Variants in PRRC2C observed in about 807,000 individuals in gnomAD.
The protein encoded by PRRC2C is proline rich coiled-coil 2C, also known as protein PRRC2C.
A neutral mutation model predicts 317.2 loss-of-function variants in PRRC2C; 72 were observed. The ratio of observed to expected loss-of-function variants is 0.23; its 90% CI spans 0.19 to 0.28. PRRC2C has a LOEUF of 0.28. PRRC2C is among the 10% of genes least tolerant of loss of function. PRRC2C has a pLI of 1.00. For synonymous variants in PRRC2C, 1,296 were observed against 1,205.9 expected (o/e 1.07, Z -1.55); for missense variants, 3,074 against 3,459.7 (o/e 0.89, Z 2.80).
Position 171,572,615 on chromosome 1 carries a change from T to C in PRRC2C, c.6753+1194T>C, listed in dbSNP as rs1684973156. 2.0e-5 allele frequency among the ~76,000 whole-genome samples: 3 copies of C among 152,232 alleles called. No homozygotes were observed. The South Asian group carries it at 6.2e-4, about 32-fold the overall frequency. The stretch of plus-strand genomic sequence containing the variant: ...TGCCATCCCTGTCTTTGCCTAGTCT[T>C]TACTGCCAATTCCTGTTCAGCCTTT... On this transcript the variant is annotated intron_variant, in intron 24 of 34. Coordinates refer to ENST00000647382, the MANE Select transcript of PRRC2C (RefSeq NM_001387844.1).
chr1:171,566,056 C>G (rs1683589381), intron 20 of PRRC2C, among the ~76,000 whole-genome samples, 177 bp from the exon 21 acceptor site: 1 of 152,096 alleles, frequency 6.6e-6, no homozygotes, highest in South Asian at 2.1e-4. Context: ...CAGTTGTTTT[C>G]TAGTACAGAC....
intron 18 of PRRC2C, among the ~76,000 whole-genome samples, chr1:171,550,964 A>G (rs1056006444): frequency 5.3e-5 from 8 of 152,134 alleles, no homozygotes; most frequent in Non-Finnish European, 1.2e-4. Flanking sequence ...ATGATTTATA[A>G]TCCTTTGGGT....
chr1:171,546,345 C>T lies in PRRC2C; in HGVS notation c.4972+658C>T, dbSNP rs556798124. On this transcript the variant is annotated intron_variant, in intron 17 of 34. Transcript: ENST00000647382. ...ATACTGAATAAAATTGAGAGATTTA[C>T]TAAGTTAAGACCAGATAGCTCAATA... Among the ~76,000 whole-genome samples, 370 of 152,240 alleles carry T rather than the reference C, an allele frequency of 2.4e-3. 1 individual carries two copies. The highest frequency in any genetic ancestry group is 8.6e-3 in the African/African-American group (358 of 41,550).
At chr1:171,567,034 T>G (rs1040550951) in intron 22 of PRRC2C, among the ~76,000 whole-genome samples, 191 bp downstream of exon 22, 1 of 152,228 alleles carries the variant, frequency 6.6e-6, no homozygotes, top group Non-Finnish European at 1.5e-5. Context: ...AAATTATATT[T>G]CTTTTTGAGG....
In PRRC2C at chr1:171,587,185, T is replaced by C. The variant is rs1053585855; in HGVS notation, c.7932T>C (p.Ala2644=). 1 of 1,608,330 alleles carries C rather than the reference T, an allele frequency of 6.2e-7. No homozygotes were observed. Among genetic ancestry groups the C allele is most frequent in the Non-Finnish European group, 8.5e-7 (1 of 1,177,282 alleles). The change falls in exon 31 of 35, where the codon GCT becomes GCC. Residue 2644 remains alanine, a synonymous_variant. Transcript: ENST00000647382. ...VSQPFRGLIP[A]GTQHSMIATT... ...AGCCTTTCAGAGGATTAATTCCTGC[T>C]GGAACACAGCATAGCATGATTGCAA...
At chr1:171,490,576 C>T (rs558210542) in intron 1 of PRRC2C, among the ~76,000 whole-genome samples, 2 of 152,160 alleles carry the variant, frequency 1.3e-5, no homozygotes, top group Non-Finnish European at 2.9e-5. Flanking sequence ...AATAGGATGT[C>T]TAGGACAGTC....
chr1:171,549,929 A>G (rs535450538), intron 17 of PRRC2C, among the ~76,000 whole-genome samples, 157 bp from the exon 18 acceptor site: 167 of 151,876 alleles, frequency 1.1e-3, no homozygotes, highest in Non-Finnish European at 2.0e-3. Flanking sequence ...ATGAATGGCC[A>G]TGCAATAGGG....
intron 9 of PRRC2C, 49 bp downstream of exon 9, chr1:171,523,571 A>T (rs1673993539): frequency 7.1e-6 from 10 of 1,403,018 alleles, no homozygotes; most frequent in Non-Finnish European, 1.0e-5. Context: ...TGTTGATACA[A>T]TATTAGCTAC....
chr1:171,572,576 C>A (rs1236221797), intron 24 of PRRC2C, among the ~76,000 whole-genome samples: 1 of 152,164 alleles, frequency 6.6e-6, no homozygotes, highest in African/African-American at 2.4e-5. Flanking sequence ...TATAAGACAA[C>A]AGCTTCTGCT....
In PRRC2C at chr1:171,523,566, A is replaced by T. The variant is rs765334911; in HGVS notation, c.1055+44A>T. The T allele has an allele frequency of 9.0e-6, 13 of 1,444,256 alleles. No individual in the cohort carries two copies. The South Asian group carries it at 1.6e-4, about 17-fold the overall frequency. 89.5% of individuals were successfully genotyped at this position (1,444,256 alleles called of 1,614,324 possible). ...TACTAATAACAGTATGAATTTGTTG[A>T]TACAATATTAGCTACTTATGCAAAG... On this transcript the variant is annotated intron_variant, in intron 9 of 34. Coordinates refer to ENST00000647382, the MANE Select transcript of PRRC2C (RefSeq NM_001387844.1).
chr1:171,566,745 C>A lies in PRRC2C; in HGVS notation c.6460C>A (p.Pro2154Thr), dbSNP rs745669014. ...PSPATVRSTD[P>T]VTTKETKAVS... The stretch of plus-strand genomic sequence containing the variant: ...CCCAGCTACAGTCAGAAGCACAGAT[C>A]CTGTCACGACAAAGGAGACTAAAGC... Residue 2154 changes from proline (P) to threonine (T), a missense_variant, in exon 22 of 35, where the codon CCT becomes ACT. This residue lies in a region of PRRC2C where 640 missense variants were observed against 676.1 expected (regional missense o/e 0.95). Coordinates refer to ENST00000647382, the MANE Select transcript of PRRC2C (RefSeq NM_001387844.1). 1.9e-6 allele frequency: 3 copies of A among 1,613,700 alleles called. No individual in the cohort carries two copies. The South Asian group carries it at 3.3e-5, about 18-fold the overall frequency.
chr1:171,571,675 T>C (rs1450384417), intron 24 of PRRC2C, among the ~76,000 whole-genome samples: 1 of 152,170 alleles, frequency 6.6e-6, no homozygotes, highest in African/African-American at 2.4e-5. Context: ...CAGGAGAGTA[T>C]TTTTCCATGT....
intron 18 of PRRC2C, among the ~76,000 whole-genome samples, chr1:171,556,696 G>A (rs897122757): frequency 1.3e-5 from 2 of 152,214 alleles, no homozygotes; most frequent in African/African-American, 2.4e-5. Flanking sequence ...TCACGAACCA[G>A]TAGATTTTGG....
At position 171,539,960 on chromosome 1, in the gene PRRC2C, TATC is replaced by T. The variant is rs1677661267; in HGVS notation, c.2505-5_2505-3del. ...TTTGTTGATTATACCTTTGAATTCT[TATC>T]ATCATAGGTCTGAAGCTGCGTTGGA... On this transcript the variant is annotated splice_region_variant and splice_polypyrimidine_tract_variant and intron_variant, in intron 15 of 34. Coordinates refer to ENST00000647382, the MANE Select transcript of PRRC2C (RefSeq NM_001387844.1). The T allele has an allele frequency of 3.2e-6, 5 of 1,580,354 alleles. No homozygotes were observed. In the South Asian group the frequency reaches 3.5e-5, roughly 11 times the overall value.
Position 171,550,083 on chromosome 1 carries a change from C to T in PRRC2C, c.4973-3C>T, listed in dbSNP as rs182873433. On this transcript the variant is annotated splice_polypyrimidine_tract_variant and splice_region_variant and intron_variant, in intron 17 of 34. Coordinates refer to ENST00000647382, the MANE Select transcript of PRRC2C (RefSeq NM_001387844.1). ...TATCTTAAATCCTTTCCCACACCCACAGGTGTTGTTATAATTGATGATCAT... is the reference window on the plus strand; with the variant it reads ...TATCTTAAATCCTTTCCCACACCCATAGGTGTTGTTATAATTGATGATCAT... The T allele has an allele frequency of 4.8e-4, 764 of 1,584,342 alleles. No homozygotes were observed. The highest frequency in any genetic ancestry group is 5.9e-4 in the Non-Finnish European group (688 of 1,166,418).
intron 26 of PRRC2C, among the ~76,000 whole-genome samples, chr1:171,577,967 T>TG (rs1647503971): frequency 2.8e-5 from 4 of 142,914 alleles, no homozygotes; most frequent in African/African-American, 7.7e-5. Context: ...TTTTTTTTTT[T>TG]TGCATTTTTG....
intron 18 of PRRC2C, among the ~76,000 whole-genome samples, chr1:171,551,900 C>T (rs1290942583): frequency 6.6e-6 from 1 of 152,192 alleles, no homozygotes; most frequent in Non-Finnish European, 1.5e-5. Flanking sequence ...TAGCATGATG[C>T]CTCCAGCTTT....
chr1:171,566,730 G>A lies in PRRC2C; in HGVS notation c.6445G>A (p.Val2149Ile). 1.9e-6 allele frequency: 3 copies of A among 1,613,738 alleles called. No individual in the cohort carries two copies. The highest frequency in any genetic ancestry group is 1.7e-6 in the Non-Finnish European group (2 of 1,179,808). The change falls in exon 22 of 35, where the codon GTC (valine) becomes ATC (isoleucine). Residue 2149 changes from valine to isoleucine, a missense_variant. Val to Ile is a conservative substitution (Grantham distance 29). This residue lies in a region of PRRC2C where 640 missense variants were observed against 676.1 expected (regional missense o/e 0.95). Transcript: ENST00000647382. ...ACAAGAGAAACCAAGCCCAGCTACA[G>A]TCAGAAGCACAGATCCTGTCACGAC... Reference protein sequence around the residue: ...EGQEKPSPATVRSTDPVTTKE... With the variant: ...EGQEKPSPATIRSTDPVTTKE...
intron 18 of PRRC2C, among the ~76,000 whole-genome samples, chr1:171,552,410 A>G (rs530766380): frequency 6.6e-6 from 1 of 152,336 alleles, no homozygotes; most frequent in East Asian, 1.9e-4. Context: ...ATCTGCAAAC[A>G]GGGACAATTT....
Sources: allele counts gnomAD v4.1 joint callset (sites outside exome capture counted in the v4.1 genomes callset), GRCh38; gene constraint gnomAD v4.1.1; regional missense constraint gnomAD v4.1.1; transcripts MANE v1.5; gene names NCBI Gene and HGNC (gene_info 2026-07-23, HGNC 2026-07-21).